Variants in FAM227B observed in about 807,000 individuals in gnomAD.
FAM227B encodes the protein protein FAM227B.
A neutral mutation model predicts 73.8 loss-of-function variants in FAM227B; 88 were observed. The observed-to-expected ratio is 1.19, with a 90% CI of 1.00 to 1.42. The LOEUF (loss-of-function observed/expected upper bound fraction) is 1.42, where lower values mean the gene tolerates loss of function less well. Ranked by LOEUF, FAM227B falls within the 40% of genes most tolerant of loss-of-function variation. The pLI is 0.00. For synonymous variants in FAM227B, 210 were observed against 190.5 expected, an observed-to-expected ratio of 1.10 and a Z score of -0.84; for missense variants, 632 against 590.9, an observed-to-expected ratio of 1.07 and a Z score of -0.72.
intron 11 of FAM227B, among the ~76,000 whole-genome samples, chr15:49,500,104 G>C (rs1312117813): frequency 1.3e-5 from 2 of 152,138 alleles, no homozygotes; most frequent in Non-Finnish European, 2.9e-5. Context: ...ATCTGAAAAA[G>C]GACCTGTTTC....
chr15:49,600,213 T>C (rs1052580285), intron 3 of FAM227B, among the ~76,000 whole-genome samples: 8 of 152,214 alleles, frequency 5.3e-5, no homozygotes, highest in African/African-American at 1.7e-4. Flanking sequence ...CTTAATCTGA[T>C]AGAAGTAGAG....
rs2060131863 is a variant in FAM227B at position 49,525,700 on chromosome 15, AT to A, written c.874+15979del. ...TATATATATATATATATATATATATATATATATATATATATATATCACAAAC... is the reference window on the plus strand; with the variant it reads ...TATATATATATATATATATATATATAATATATATATATATATATCACAAAC... On this transcript the variant is annotated intron_variant, in intron 10 of 15. Coordinates refer to ENST00000299338, the MANE Select transcript of FAM227B (RefSeq NM_152647.3). Among the ~76,000 whole-genome samples the A allele has an allele frequency of 5.9e-4, 41 of 68,992 alleles. No homozygotes were observed. The Middle Eastern group carries it at 0.019, about 33-fold the overall frequency. 45.3% of individuals were successfully genotyped at this position (68,992 alleles called of 152,430 possible). A position where few individuals can be genotyped will look rare whatever the true frequency, so the allele number is the denominator to read the frequency against.
chr15:49,474,605 A>C (rs937191907), intron 11 of FAM227B, among the ~76,000 whole-genome samples: 17 of 152,226 alleles, frequency 1.1e-4, no homozygotes, highest in African/African-American at 4.1e-4. Context: ...TAGCTATTTC[A>C]AGGAATAAAA....
chr15:49,522,074 C>T (rs752304506), intron 10 of FAM227B, among the ~76,000 whole-genome samples: 2 of 152,160 alleles, frequency 1.3e-5, no homozygotes. Flanking sequence ...CCTAAGACAT[C>T]CACACTCTCA....
intron 11 of FAM227B, among the ~76,000 whole-genome samples, chr15:49,397,808 G>C (rs964141173): frequency 4.5e-4 from 68 of 152,230 alleles, no homozygotes; most frequent in Non-Finnish European, 8.5e-4. Context: ...GAGACATTTT[G>C]TCACCACCAG....
At chr15:49,457,272 T>C (rs894859439) in intron 11 of FAM227B, among the ~76,000 whole-genome samples, 3 of 152,006 alleles carry the variant, frequency 2.0e-5, no homozygotes, top group Non-Finnish European at 4.4e-5. Context: ...CCAAATGCGG[T>C]AACAACGGTG....
chr15:49,491,895 T>C (rs1350741281), intron 11 of FAM227B, among the ~76,000 whole-genome samples: 1 of 151,872 alleles, frequency 6.6e-6, no homozygotes, highest in Non-Finnish European at 1.5e-5. Context: ...ATTCCCCATG[T>C]AATCTGGTAA....
At chr15:49,399,335 T>A (rs1378208910) in intron 11 of FAM227B, among the ~76,000 whole-genome samples, 3 of 147,856 alleles carry the variant, frequency 2.0e-5, no homozygotes, top group Non-Finnish European at 3.0e-5. Context: ...AATAACAGGA[T>A]CTGAAATTGT....
intron 11 of FAM227B, among the ~76,000 whole-genome samples, chr15:49,400,890 T>TA (rs2151629741): frequency 6.6e-6 from 1 of 151,642 alleles, no homozygotes. Context: ...CCTAAAACCA[T>TA]AAAAACCCTA....
intron 11 of FAM227B, chr15:49,484,452 A>T: frequency 1.9e-6 from 3 of 1,583,218 alleles, no homozygotes; most frequent in Non-Finnish European, 2.6e-6. Flanking sequence ...AGAGGAAAAA[A>T]AACGAAGAAA....
chr15:49,568,134 G>A, intron 9 of FAM227B, 111 bp downstream of exon 9: 1 of 879,344 alleles, frequency 1.1e-6, no homozygotes, highest in Admixed American at 2.9e-5. Context: ...CACCAACTTT[G>A]CTTTCAAAAG....
chr15:49,589,634 C>T (rs2076405344), intron 4 of FAM227B, 142 bp downstream of exon 4: 1 of 612,946 alleles, frequency 1.6e-6, no homozygotes, highest in African/African-American at 1.9e-5. Context: ...AAGGACTGGC[C>T]AGGTGCACTG....
chr15:49,389,439 T>C (rs930783830), intron 11 of FAM227B, among the ~76,000 whole-genome samples: 1 of 151,906 alleles, frequency 6.6e-6, no homozygotes, highest in Non-Finnish European at 1.5e-5. Context: ...GCTACCAGTA[T>C]GCAAAGGCAT....
At chr15:49,556,835 C>T (rs1402890402) in intron 9 of FAM227B, among the ~76,000 whole-genome samples, 2 of 152,148 alleles carry the variant, frequency 1.3e-5, no homozygotes, top group Non-Finnish European at 2.9e-5. Flanking sequence ...CGCACTAATC[C>T]CTCTGGCCTC....
chr15:49,615,441 G>A (rs910517078), intron 1 of FAM227B, among the ~76,000 whole-genome samples, 198 bp from the exon 2 acceptor site: 6 of 152,094 alleles, frequency 3.9e-5, no homozygotes, highest in African/African-American at 1.4e-4. Context: ...GGATCATGGG[G>A]GTGGTTTCTA....
At chr15:49,608,825 T>C (rs1434535477) in intron 3 of FAM227B, among the ~76,000 whole-genome samples, 1 of 151,848 alleles carries the variant, frequency 6.6e-6, no homozygotes, top group African/African-American at 2.4e-5. Flanking sequence ...TTCTACCAGA[T>C]AAAAGTTGCA....
intron 11 of FAM227B, chr15:49,422,461 G>A: frequency 8.6e-7 from 1 of 1,160,116 alleles, no homozygotes; most frequent in Non-Finnish European, 1.1e-6. Flanking sequence ...ATCAAACACT[G>A]ATAATCAATG....
At chr15:49,380,276 G>A (rs910996394) in intron 11 of FAM227B, among the ~76,000 whole-genome samples, 7 of 152,072 alleles carry the variant, frequency 4.6e-5, no homozygotes, top group Non-Finnish European at 7.4e-5. Flanking sequence ...CCTTCAGGGC[G>A]GCGTGCTCCC....
intron 11 of FAM227B, chr15:49,424,044 A>C (rs112825172): frequency 0.024 from 8,817 of 369,250 alleles, 277 homozygotes; most frequent in South Asian, 0.15. Flanking sequence ...GTCAAATAGC[A>C]AACAGCGTCA....
Sources: allele counts gnomAD v4.1 joint callset (sites outside exome capture counted in the v4.1 genomes callset), GRCh38; gene constraint gnomAD v4.1.1; transcripts MANE v1.5; gene names NCBI Gene and HGNC (gene_info 2026-07-23, HGNC 2026-07-21).